CSNK2A2IP: variants seen among roughly 807,000 people sequenced by gnomAD.
The protein encoded by CSNK2A2IP is casein kinase 2 subunit alpha' interacting protein, also known as casein kinase II subunit alpha'-interacting protein.
At chr3:88,434,780 T>A in the CSNK2A2IP span, among the ~76,000 whole-genome samples, 10 of 152,206 alleles carry the variant, frequency 6.6e-5, no homozygotes, top group South Asian at 1.9e-3. Flanking sequence ...GCATGGACAT[T>A]TAAAGATTCA....
At chr3:88,411,320 C>T in the CSNK2A2IP span, among the ~76,000 whole-genome samples, 1 of 151,580 alleles carries the variant, frequency 6.6e-6, no homozygotes, top group African/African-American at 2.4e-5. Context: ...ATAAAATTTA[C>T]CATAAATTTA....
the CSNK2A2IP span, among the ~76,000 whole-genome samples, chr3:88,434,265 G>C: frequency 6.6e-6 from 1 of 151,926 alleles, no homozygotes; most frequent in Non-Finnish European, 1.5e-5. Context: ...GGAGCAGAAA[G>C]AAAAAGTAGG....
chr3:88,456,944 A>G, the CSNK2A2IP span, among the ~76,000 whole-genome samples: 2 of 152,122 alleles, frequency 1.3e-5, no homozygotes, highest in African/African-American at 4.8e-5. Context: ...TAGATATTCA[A>G]ACTTTTTTGC....
the CSNK2A2IP span, among the ~76,000 whole-genome samples, chr3:88,355,069 C>A: frequency 6.6e-6 from 1 of 151,964 alleles, no homozygotes; most frequent in African/African-American, 2.4e-5. Context: ...GTGAAACATG[C>A]CAGCAATGCA....
chr3:88,394,127 CAT>C, the CSNK2A2IP span, among the ~76,000 whole-genome samples: 1 of 152,116 alleles, frequency 6.6e-6, no homozygotes, highest in African/African-American at 2.4e-5. Flanking sequence ...AATTTAACAA[CAT>C]AAACTGTGTA....
At chr3:88,345,795 A>G in the CSNK2A2IP span, among the ~76,000 whole-genome samples, 1 of 151,912 alleles carries the variant, frequency 6.6e-6, no homozygotes, top group Middle Eastern at 3.2e-3. Context: ...TAACCCTACA[A>G]TGACCTCTAA....
At chr3:88,340,787 A>G in the CSNK2A2IP span, among the ~76,000 whole-genome samples, 1 of 151,958 alleles carries the variant, frequency 6.6e-6, no homozygotes, top group South Asian at 2.1e-4. Context: ...GAACAGCTTT[A>G]TCTTGGGTTT....
At chr3:88,385,191 C>T in the CSNK2A2IP span, among the ~76,000 whole-genome samples, 2 of 151,996 alleles carry the variant, frequency 1.3e-5, no homozygotes, top group African/African-American at 2.4e-5. Flanking sequence ...TCACATTGGT[C>T]GCAGGCCGAA....
chr3:88,430,486 C>T, the CSNK2A2IP span, among the ~76,000 whole-genome samples: 273 of 152,128 alleles, frequency 1.8e-3, no homozygotes, highest in African/African-American at 6.3e-3. Flanking sequence ...GAGTCATATT[C>T]AGCAGGAGGG....
the CSNK2A2IP span, among the ~76,000 whole-genome samples, chr3:88,396,746 A>C: frequency 1.3e-5 from 2 of 152,230 alleles, no homozygotes; most frequent in East Asian, 3.9e-4. Context: ...CAGGAGCATA[A>C]GATTATAATA....
At chr3:88,393,810 G>A in the CSNK2A2IP span, among the ~76,000 whole-genome samples, 1 of 152,196 alleles carries the variant, frequency 6.6e-6, no homozygotes, top group Non-Finnish European at 1.5e-5. Context: ...AGTTTGACCA[G>A]AAAGGAACAA....
the CSNK2A2IP span, chr3:88,466,489 C>T: frequency 8.1e-7 from 1 of 1,231,984 alleles, no homozygotes; most frequent in African/African-American, 1.5e-5. Context: ...AAGCTCCAAA[C>T]ACTGCACCAG....
the CSNK2A2IP span, among the ~76,000 whole-genome samples, chr3:88,463,376 C>T: frequency 2.0e-5 from 3 of 151,870 alleles, no homozygotes; most frequent in Non-Finnish European, 2.9e-5. Context: ...GCATAGGTCG[C>T]TTTGTTGAGT....
At chr3:88,420,966 T>C in the CSNK2A2IP span, among the ~76,000 whole-genome samples, 1 of 152,188 alleles carries the variant, frequency 6.6e-6, no homozygotes, top group Non-Finnish European at 1.5e-5. Flanking sequence ...TTTCCAACTT[T>C]AAACACTAAG....
chr3:88,359,113 T>C, the CSNK2A2IP span, among the ~76,000 whole-genome samples: 1 of 151,814 alleles, frequency 6.6e-6, no homozygotes, highest in Non-Finnish European at 1.5e-5. Context: ...CTTTTCAGAT[T>C]CGTATTTTTC....
chr3:88,441,703 A>G, the CSNK2A2IP span, among the ~76,000 whole-genome samples: 2 of 152,126 alleles, frequency 1.3e-5, no homozygotes, highest in African/African-American at 4.8e-5. Context: ...TTATCATGCC[A>G]TTTCTAGATA....
chr3:88,456,562 C>T, the CSNK2A2IP span, among the ~76,000 whole-genome samples: 2 of 151,102 alleles, frequency 1.3e-5, no homozygotes, highest in East Asian at 3.9e-4. Context: ...TACAACTTTA[C>T]TGAATTTGCT....
At chr3:88,413,057 G>GT in the CSNK2A2IP span, among the ~76,000 whole-genome samples, 1 of 151,954 alleles carries the variant, frequency 6.6e-6, no homozygotes, top group Non-Finnish European at 1.5e-5. Context: ...TTATTGCTAA[G>GT]TTTTTTATTT....
chr3:88,354,738 A>G, the CSNK2A2IP span, among the ~76,000 whole-genome samples: 3 of 152,324 alleles, frequency 2.0e-5, no homozygotes, highest in Non-Finnish European at 2.9e-5. Context: ...AAAAGAGATT[A>G]GAAAAGAAAC....
Sources: gnomAD v4.1 joint callset for allele counts (sites outside exome capture counted in the v4.1 genomes callset) on GRCh38, gnomAD v4.1.1 for gene constraint, MANE v1.5 for transcripts, NCBI Gene and HGNC (gene_info 2026-07-23, HGNC 2026-07-21) for gene names.